The following ZFHX3 variants were observed in gnomAD, a reference collection of about 807,000 sequenced individuals.
The protein encoded by ZFHX3 is zinc finger homeobox 3.
In ZFHX3, 42 loss-of-function variants were observed where a neutral mutation model predicts 279.1. The ratio of observed to expected loss-of-function variants is 0.15; its 90% CI spans 0.12 to 0.19. ZFHX3 has a LOEUF of 0.19. ZFHX3 is among the 10% of genes least tolerant of loss of function. The pLI, the probability that ZFHX3 is intolerant of heterozygous loss-of-function variation, is 1.00. For synonymous variants in ZFHX3, 2,293 were observed against 1,957.8 expected (o/e 1.17, Z -4.52); for missense variants, 4,981 against 4,754.0 (o/e 1.05, Z -1.40).
At chr16:72,855,233 C>T (rs749908485) in intron 4 of ZFHX3, among the ~76,000 whole-genome samples, 38 of 152,204 alleles carry the variant, frequency 2.5e-4, no homozygotes, top group Admixed American at 3.3e-4. Context: ...CAATTATAAC[C>T]ATCATGCCTG....
At chr16:73,127,643 T>C (rs1203446830) in intron 7 of ZFHX3, 1 of 1,243,174 alleles carries the variant, frequency 8.0e-7, no homozygotes, top group Non-Finnish European at 1.0e-6. Context: ...CTGGATGTTA[T>C]GGAACAGTTG....
intron 2 of ZFHX3, among the ~76,000 whole-genome samples, chr16:73,546,611 A>G (rs577898995): frequency 2.0e-5 from 3 of 152,060 alleles, no homozygotes; most frequent in East Asian, 1.9e-4. Flanking sequence ...GGAGATTGCC[A>G]GCCCCAGGAA....
At chr16:73,482,364 G>T (rs761083938) in intron 2 of ZFHX3, among the ~76,000 whole-genome samples, 9 of 152,172 alleles carry the variant, frequency 5.9e-5, no homozygotes, top group Non-Finnish European at 1.2e-4. Flanking sequence ...AAGAGAATTG[G>T]TGGAGATCTG....
At position 73,566,051 on chromosome 16, in the gene ZFHX3, G is replaced by T. The variant is rs568962992; in HGVS notation, c.-1546-109793C>A. The stretch of plus-strand genomic sequence containing the variant: ...CTGGTCTAAGCTTCCTGCTCATGCA[G>T]AGCTGTGGCAATGCTGTAGAAACAC... On this transcript the variant is annotated intron_variant, in intron 2 of 17. Coordinates refer to the ZFHX3 transcript ENST00000641206. Among the ~76,000 whole-genome samples, 19 of 152,348 alleles carry T rather than the reference G, an allele frequency of 1.2e-4. No homozygotes were observed. The South Asian group carries it at 3.7e-3, about 30-fold the overall frequency.
Position 72,971,427 on chromosome 16 carries a change from G to A in ZFHX3, c.-49-11233C>T, listed in dbSNP as rs188209607. ...ACATGTTGTTTTGTTTGATCCTTGC[G>A]GCAGCCCACTTTACAGGTGAGGAAA... On this transcript the variant is annotated intron_variant, in intron 1 of 9. Transcript: ENST00000268489. Among the ~76,000 whole-genome samples, 3 of 152,204 alleles carry A rather than the reference G, an allele frequency of 2.0e-5. No homozygotes were observed. In the East Asian group the frequency reaches 5.8e-4, roughly 29 times the overall value.
chr16:73,830,976 C>A (rs1013487378), intron 1 of ZFHX3, among the ~76,000 whole-genome samples: 2 of 152,200 alleles, frequency 1.3e-5, no homozygotes, highest in Non-Finnish European at 2.9e-5. Flanking sequence ...AGGTACCTGG[C>A]AGACCAGTTC....
intron 7 of ZFHX3, among the ~76,000 whole-genome samples, chr16:73,118,743 A>G (rs1045296859): frequency 6.6e-6 from 1 of 152,156 alleles, no homozygotes; most frequent in Non-Finnish European, 1.5e-5. Context: ...GCATTTTTAT[A>G]TGGGTATGGG....
chr16:73,455,703 A>C (rs990974584), intron 3 of ZFHX3, among the ~76,000 whole-genome samples: 1 of 150,376 alleles, frequency 6.6e-6, no homozygotes, highest in African/African-American at 2.4e-5. Context: ...ATACACTTGT[A>C]ATTTTCTTCC....
At position 73,800,648 on chromosome 16, in the gene ZFHX3, GC is replaced by G. The variant is rs556175703; in HGVS notation, c.-1608+91002del. On this transcript the variant is annotated intron_variant, in intron 1 of 17. Coordinates refer to the ZFHX3 transcript ENST00000641206. Reference sequence around the variant, plus strand: ...AAAGTTAAAATAATGAAACATCAGGGCTCCTCCAAGACCACAGCCCCTGGGG... The same window carrying G: ...AAAGTTAAAATAATGAAACATCAGGGTCCTCCAAGACCACAGCCCCTGGGG... 3.2e-3 allele frequency among the ~76,000 whole-genome samples: 493 copies of G among 152,006 alleles called. 1 individual carries two copies. The highest frequency in any genetic ancestry group is 5.2e-3 in the Non-Finnish European group (353 of 68,002).
At chr16:73,271,689 C>A (rs2014149497) in intron 4 of ZFHX3, among the ~76,000 whole-genome samples, 1 of 152,170 alleles carries the variant, frequency 6.6e-6, no homozygotes, top group African/African-American at 2.4e-5. Context: ...TGCTGCAGGC[C>A]AGGAGCATGG....
chr16:72,795,346 T>C lies in ZFHX3; in HGVS notation c.7336A>G (p.Lys2446Glu). The part of the protein sequence containing the change: ...PSAQPNQTQE[K>E]QGQPKPELQQ... ...AGCTCTGGCTTTGGTTGTCCTTGCT[T>C]TTCTTGGGTTTGGTTTGGCTGTGCA... Residue 2446 changes from lysine (K) to glutamate (E), a missense_variant, in exon 9 of 10, where the codon AAG becomes GAG. This residue lies in a region of ZFHX3 where 744 missense variants were observed against 701.3 expected (regional missense o/e 1.06). Transcript: ENST00000268489. 1.9e-6 allele frequency: 3 copies of C among 1,613,962 alleles called. No homozygotes were observed. The highest frequency in any genetic ancestry group is 3.3e-4 in the Middle Eastern group (2 of 6,062).
At chr16:73,735,929 G>A (rs564871771) in intron 1 of ZFHX3, among the ~76,000 whole-genome samples, 1 of 50,976 alleles carries the variant, frequency 2.0e-5, no homozygotes, top group Non-Finnish European at 4.7e-5. Context: ...TGCTCTGAAG[G>A]TTGGTGCACC....
chr16:73,437,408 C>T (rs539410684), intron 3 of ZFHX3, among the ~76,000 whole-genome samples: 7 of 152,236 alleles, frequency 4.6e-5, no homozygotes, highest in Non-Finnish European at 7.4e-5. Flanking sequence ...GCCTTTTTAT[C>T]TGACATTGGA....
At chr16:72,868,973 C>A (rs925672727) in intron 4 of ZFHX3, among the ~76,000 whole-genome samples, 1 of 152,164 alleles carries the variant, frequency 6.6e-6, no homozygotes, top group Non-Finnish European at 1.5e-5. Flanking sequence ...GAAGAAAAAT[C>A]AGAAGGCTGT....
At chr16:73,509,691 AT>A (rs71156168) in intron 2 of ZFHX3, among the ~76,000 whole-genome samples, 34,807 of 105,546 alleles carry the variant, frequency 0.33, 5,184 homozygotes, top group Non-Finnish European at 0.39. Flanking sequence ...TGCCCGGCTG[AT>A]TTTTTTTTTT....
intron 1 of ZFHX3, among the ~76,000 whole-genome samples, chr16:73,696,157 G>C (rs749533795): frequency 1.3e-5 from 2 of 152,204 alleles, no homozygotes; most frequent in African/African-American, 2.4e-5. Flanking sequence ...AGGGCTTTCA[G>C]TGGCATCAAC....
intron 1 of ZFHX3, among the ~76,000 whole-genome samples, chr16:73,007,753 C>A (rs1963764985): frequency 6.6e-6 from 1 of 151,312 alleles, no homozygotes; most frequent in African/African-American, 2.4e-5. Context: ...AAGGCCAGAA[C>A]TTTTTTTTTA....
intron 3 of ZFHX3, among the ~76,000 whole-genome samples, chr16:72,943,264 G>C (rs182057417): frequency 6.6e-6 from 1 of 152,156 alleles, no homozygotes; most frequent in African/African-American, 2.4e-5. Flanking sequence ...CCAGGCGTGG[G>C]GGCTCACACC....
At position 72,794,756 on chromosome 16, in the gene ZFHX3, C is replaced by T; in HGVS notation, c.7926G>A (p.Lys2642=). 6.2e-7 allele frequency: 1 copy of T among 1,614,202 alleles called. No homozygotes were observed. Among genetic ancestry groups the T allele is most frequent in the South Asian group, 1.1e-5 (1 of 91,082 alleles). Residue 2642 remains lysine (K), a synonymous_variant, in exon 9 of 10, where the codon AAG becomes AAA. Coordinates refer to ENST00000268489, the MANE Select transcript of ZFHX3 (RefSeq NM_006885.4). The surrounding 1 kb of genome is among the most constrained non-coding windows in gnomAD (Gnocchi z 4.2). ...CCGGTGTGATGGTTGTTCTCAAACG[C>T]TTGTCTCTCTGAGGCTCTTCTCCTC... ...GTGGEEPQRD[K]RLRTTITPEQ...
Sources: gnomAD v4.1 joint callset for allele counts (sites outside exome capture counted in the v4.1 genomes callset) on GRCh38, gnomAD v4.1.1 for gene constraint, gnomAD v4.1.1 regional missense constraint, Gnocchi (gnomAD v3.1) non-coding constraint, MANE v1.5 for transcripts, NCBI Gene and HGNC (gene_info 2026-07-23, HGNC 2026-07-21) for gene names.